Variants in PLCB1 observed in about 807,000 individuals in gnomAD.
PLCB1 encodes the protein 1-phosphatidylinositol 4,5-bisphosphate phosphodiesterase beta-1.
In PLCB1, 46 loss-of-function variants were observed where a neutral mutation model predicts 161.8. The ratio of observed to expected loss-of-function variants is 0.28; its 90% CI spans 0.22 to 0.36. The LOEUF is 0.36. Among genes scored for constraint, PLCB1 ranks in the 10% least tolerant of loss-of-function variants. PLCB1 has a pLI of 1.00. For synonymous variants in PLCB1, 517 were observed against 503.7 expected (o/e 1.03, Z -0.35); for missense variants, 1,016 against 1,472.5 (o/e 0.69, Z 5.07).
intron 3 of PLCB1, among the ~76,000 whole-genome samples, chr20:8,383,663 G>A (rs1987332837): frequency 6.6e-6 from 1 of 152,028 alleles, no homozygotes; most frequent in South Asian, 2.1e-4. Flanking sequence ...TTTTGCAATG[G>A]CTGGTTTTCC....
At chr20:8,524,968 C>G (rs923522945) in intron 3 of PLCB1, among the ~76,000 whole-genome samples, 1 of 152,124 alleles carries the variant, frequency 6.6e-6, no homozygotes, top group Non-Finnish European at 1.5e-5. Flanking sequence ...TTGGGACTTG[C>G]TAAGAACCTT....
chr20:8,667,593 T>A (rs1267859033), intron 9 of PLCB1, among the ~76,000 whole-genome samples: 1 of 152,210 alleles, frequency 6.6e-6, no homozygotes, highest in Admixed American at 6.5e-5. Context: ...GTGACCTCAG[T>A]GTCTGCTCAG....
intron 26 of PLCB1, among the ~76,000 whole-genome samples, chr20:8,774,057 C>G (rs75557173): frequency 0.012 from 1,836 of 152,272 alleles, 42 homozygotes; most frequent in African/African-American, 0.041. Context: ...CACGTGCTCT[C>G]TGTTTATAAT....
intron 3 of PLCB1, among the ~76,000 whole-genome samples, chr20:8,415,744 C>A (rs1427559359): frequency 1.3e-5 from 2 of 152,136 alleles, no homozygotes; most frequent in Admixed American, 1.3e-4. Flanking sequence ...CCAACAGGGT[C>A]TTGTACACCA....
intron 2 of PLCB1, among the ~76,000 whole-genome samples, chr20:8,152,507 T>C (rs2123036089): frequency 6.6e-6 from 1 of 152,202 alleles, no homozygotes; most frequent in Non-Finnish European, 1.5e-5. Context: ...CATAAGATCA[T>C]TTGAAGGTAC....
chr20:8,356,970 T>G (rs2122282811), intron 2 of PLCB1, among the ~76,000 whole-genome samples: 1 of 152,306 alleles, frequency 6.6e-6, no homozygotes, highest in South Asian at 2.1e-4. Flanking sequence ...TTTACTTTCT[T>G]AATACAGAGG....
chr20:8,678,501 A>G (rs1189957221), intron 9 of PLCB1, among the ~76,000 whole-genome samples: 1 of 152,226 alleles, frequency 6.6e-6, no homozygotes, highest in African/African-American at 2.4e-5. Flanking sequence ...TGTTTCTATT[A>G]ACCATCCTAG....
Position 8,883,687 on chromosome 20 carries a change from G to GTGTT in PLCB1, c.*1841_*1844dup, listed in dbSNP as rs1461563568. 4 of 152,252 alleles carry GTGTT rather than the reference G, an allele frequency of 2.6e-5. No homozygotes were observed. Among genetic ancestry groups the GTGTT allele is most frequent in the Admixed American group, 2.6e-4 (4 of 15,246 alleles). 9.4% of individuals were successfully genotyped at this position (152,252 alleles called of 1,614,324 possible). A position where few individuals can be genotyped will look rare whatever the true frequency, so the allele number is the denominator to read the frequency against. ...GGCTTAGTTCAAACATAAGGAAACA[G>GTGTT]TGTTTGATTAAAAAAAACACATCTA... On this transcript the variant is annotated 3_prime_UTR_variant, in exon 32 of 32. Coordinates refer to ENST00000338037, the MANE Select transcript of PLCB1 (RefSeq NM_015192.4).
chr20:8,201,100 A>G (rs2052087025), intron 2 of PLCB1, among the ~76,000 whole-genome samples: 1 of 152,076 alleles, frequency 6.6e-6, no homozygotes, highest in Admixed American at 6.6e-5. Flanking sequence ...TTCTTGTTCA[A>G]TATCAAGATA....
chr20:8,250,688 G>A (rs6055691), intron 2 of PLCB1, among the ~76,000 whole-genome samples: 7,374 of 151,914 alleles, frequency 0.049, 579 homozygotes, highest in African/African-American at 0.17. Flanking sequence ...CTGTCAGTTA[G>A]CAAATATTTA....
chr20:8,232,404 T>C (rs978733209), intron 2 of PLCB1, among the ~76,000 whole-genome samples: 1 of 152,138 alleles, frequency 6.6e-6, no homozygotes, highest in African/African-American at 2.4e-5. Context: ...GACAGTGATA[T>C]TCTTGATTTG....
chr20:8,448,099 C>T (rs771389590), intron 3 of PLCB1, among the ~76,000 whole-genome samples: 4 of 152,184 alleles, frequency 2.6e-5, no homozygotes, highest in Non-Finnish European at 5.9e-5. Context: ...GTGTCACCAG[C>T]CTTGCAGATT....
At chr20:8,245,535 T>G (rs996866642) in intron 2 of PLCB1, among the ~76,000 whole-genome samples, 8 of 151,824 alleles carry the variant, frequency 5.3e-5, no homozygotes, top group Admixed American at 3.3e-4. Flanking sequence ...TGTTTATAGG[T>G]TTTGGTTGGG....
At chr20:8,165,811 A>G (rs1446600857) in intron 2 of PLCB1, among the ~76,000 whole-genome samples, 2 of 152,098 alleles carry the variant, frequency 1.3e-5, no homozygotes, top group Admixed American at 1.3e-4. Flanking sequence ...TTAAATCTCC[A>G]GCTGTCTTAC....
At chr20:8,868,792 C>G (rs1987513906) in intron 31 of PLCB1, among the ~76,000 whole-genome samples, 1 of 152,128 alleles carries the variant, frequency 6.6e-6, no homozygotes, top group African/African-American at 2.4e-5. Flanking sequence ...CCACCACACG[C>G]AGCCAGTTTT....
chr20:8,692,969 A>T (rs2123417686), intron 10 of PLCB1, among the ~76,000 whole-genome samples: 1 of 152,314 alleles, frequency 6.6e-6, no homozygotes, highest in African/African-American at 2.4e-5. Context: ...CTGACTGAGA[A>T]GAATCAAGAT....
intron 3 of PLCB1, among the ~76,000 whole-genome samples, chr20:8,614,667 G>A (rs1284134726): frequency 1.3e-5 from 2 of 150,540 alleles, no homozygotes; most frequent in African/African-American, 4.9e-5. Flanking sequence ...ATTCAACTTG[G>A]TAGACACTGG....
At chr20:8,806,230 C>T (rs1459075602) in intron 31 of PLCB1, among the ~76,000 whole-genome samples, 1 of 152,064 alleles carries the variant, frequency 6.6e-6, no homozygotes, top group Non-Finnish European at 1.5e-5. Context: ...CAGTTTCTGT[C>T]ACTGAGAGGT....
chr20:8,702,459 A>C (rs1342620114), intron 11 of PLCB1, among the ~76,000 whole-genome samples: 1 of 152,218 alleles, frequency 6.6e-6, no homozygotes, highest in Non-Finnish European at 1.5e-5. Flanking sequence ...ATATTAAATT[A>C]GAGTAGGTTA....
Sources: allele counts gnomAD v4.1 joint callset (sites outside exome capture counted in the v4.1 genomes callset), GRCh38; gene constraint gnomAD v4.1.1; transcripts MANE v1.5; gene names NCBI Gene and HGNC (gene_info 2026-07-23, HGNC 2026-07-21).